NELL1: variants seen among roughly 807,000 people sequenced by gnomAD.
The protein encoded by NELL1 is neural EGFL like 1.
In NELL1, 76 loss-of-function variants were observed where a neutral mutation model predicts 107.4. That is an observed-to-expected ratio of 0.71 (90% CI 0.59 to 0.86). The LOEUF (loss-of-function observed/expected upper bound fraction) is 0.86, where lower values mean the gene tolerates loss of function less well. Ranked by LOEUF, NELL1 falls within the 40% of genes least tolerant of loss-of-function variation. The pLI, the probability that NELL1 is intolerant of heterozygous loss-of-function variation, is 0.00. For synonymous variants in NELL1, 353 were observed against 341.2 expected (o/e 1.03, Z -0.38); for missense variants, 1,024 against 1,005.5 (o/e 1.02, Z -0.25).
intron 15 of NELL1, among the ~76,000 whole-genome samples, chr11:21,371,318 G>A (rs1475405298): frequency 6.6e-6 from 1 of 151,996 alleles, no homozygotes; most frequent in Non-Finnish European, 1.5e-5. Flanking sequence ...CTGTGTCAAC[G>A]GAATCTAAAT....
At chr11:21,183,874 G>A (rs775774672) in intron 13 of NELL1, among the ~76,000 whole-genome samples, 6 of 151,824 alleles carry the variant, frequency 4.0e-5, no homozygotes, top group Non-Finnish European at 8.8e-5. Flanking sequence ...GGAGGGTAAA[G>A]GGAAATAGCT....
chr11:20,910,321 C>T (rs1194608590), intron 5 of NELL1, among the ~76,000 whole-genome samples: 1 of 152,164 alleles, frequency 6.6e-6, no homozygotes, highest in Non-Finnish European at 1.5e-5. Flanking sequence ...CAAAGCAAGT[C>T]ACAAGACTAG....
At chr11:21,520,712 C>T (rs1211626166) in intron 15 of NELL1, among the ~76,000 whole-genome samples, 1 of 152,148 alleles carries the variant, frequency 6.6e-6, no homozygotes, top group Non-Finnish European at 1.5e-5. Flanking sequence ...AAAGGTGCAT[C>T]AGCACCCGCT....
At chr11:21,223,785 A>C (rs1857822107) in intron 13 of NELL1, among the ~76,000 whole-genome samples, 1 of 152,172 alleles carries the variant, frequency 6.6e-6, no homozygotes, top group Admixed American at 6.5e-5. Flanking sequence ...ATATGACTCA[A>C]AAAATATATA....
At chr11:21,089,936 T>C (rs1854483673) in intron 12 of NELL1, among the ~76,000 whole-genome samples, 1 of 152,182 alleles carries the variant, frequency 6.6e-6, no homozygotes, top group Admixed American at 6.5e-5. Context: ...GTGGTTAGGC[T>C]TTCGTATGGT....
intron 5 of NELL1, among the ~76,000 whole-genome samples, chr11:20,904,227 A>G (rs191243912): frequency 1.9e-3 from 293 of 152,078 alleles, no homozygotes; most frequent in Middle Eastern, 0.014. Flanking sequence ...AAAAAAAAAA[A>G]GAAAAAAGTG....
At chr11:21,570,656 T>G in intron 17 of NELL1, 108 bp from the exon 18 acceptor site, 28 of 927,774 alleles carry the variant, frequency 3.0e-5, no homozygotes, top group Non-Finnish European at 4.3e-5. Context: ...TTGAACAGAA[T>G]GAGAGGTGGC....
At chr11:21,381,904 A>ATTTTTTTTTTTTT (rs149327802) in intron 15 of NELL1, among the ~76,000 whole-genome samples, 10 of 91,356 alleles carry the variant, frequency 1.1e-4, no homozygotes, top group African/African-American at 1.3e-4. Flanking sequence ...CCTGGAAGGG[A>ATTTTTTTTTTTTT]TTTTTTTTTT....
At chr11:21,170,488 TC>T (rs1856580414) in intron 13 of NELL1, among the ~76,000 whole-genome samples, 1 of 151,736 alleles carries the variant, frequency 6.6e-6, no homozygotes, top group Admixed American at 6.6e-5. Flanking sequence ...TTGCTATTTT[TC>T]CTCCAAAAAA....
At chr11:21,321,407 G>T (rs1387383175) in intron 14 of NELL1, among the ~76,000 whole-genome samples, 1 of 152,030 alleles carries the variant, frequency 6.6e-6, no homozygotes, top group Non-Finnish European at 1.5e-5. Flanking sequence ...GAGGGTGGGG[G>T]GCTGCGCGGA....
At chr11:21,151,476 G>C (rs557715160) in intron 13 of NELL1, among the ~76,000 whole-genome samples, 3 of 152,102 alleles carry the variant, frequency 2.0e-5, no homozygotes, top group African/African-American at 4.8e-5. Flanking sequence ...GATGGTGCGC[G>C]TGGTGACGTG....
intron 15 of NELL1, among the ~76,000 whole-genome samples, chr11:21,400,333 G>T (rs1852070614): frequency 6.6e-6 from 1 of 151,822 alleles, no homozygotes; most frequent in Non-Finnish European, 1.5e-5. Flanking sequence ...TTTATTAAAT[G>T]TTTATAATCA....
At chr11:21,409,370 GAATTGA>G (rs1852316883) in intron 15 of NELL1, among the ~76,000 whole-genome samples, 1 of 151,984 alleles carries the variant, frequency 6.6e-6, no homozygotes, top group Non-Finnish European at 1.5e-5. Flanking sequence ...TCATAGGTGG[GAATTGA>G]ACAATGAGAA....
intron 2 of NELL1, among the ~76,000 whole-genome samples, chr11:20,722,936 A>C (rs1855425403): frequency 6.6e-6 from 1 of 152,154 alleles, no homozygotes; most frequent in South Asian, 2.1e-4. Flanking sequence ...TGGAAGGTGA[A>C]GGGGAAGCAA....
At chr11:21,203,291 G>A (rs1003098933) in intron 13 of NELL1, among the ~76,000 whole-genome samples, 6 of 152,156 alleles carry the variant, frequency 3.9e-5, no homozygotes, top group Non-Finnish European at 5.9e-5. Flanking sequence ...CTTGCTTTTT[G>A]AATCTGGGTG....
intron 15 of NELL1, among the ~76,000 whole-genome samples, chr11:21,502,517 C>T (rs1855168694): frequency 6.6e-6 from 1 of 152,224 alleles, no homozygotes; most frequent in South Asian, 2.1e-4. Flanking sequence ...AAGCTAAGCG[C>T]TCTAGGTATT....
At chr11:20,808,822 C>T (rs1857439998) in intron 3 of NELL1, among the ~76,000 whole-genome samples, 1 of 152,210 alleles carries the variant, frequency 6.6e-6, no homozygotes, top group South Asian at 2.1e-4. Context: ...CTCCCTCTCT[C>T]CTTAGTGCAC....
intron 15 of NELL1, among the ~76,000 whole-genome samples, chr11:21,497,547 TTA>T (rs1855015561): frequency 6.6e-6 from 1 of 152,130 alleles, no homozygotes; most frequent in African/African-American, 2.4e-5. Context: ...TTTAATTGCG[TTA>T]GTTAATGTAA....
At chr11:20,995,127 T>G (rs536852854) in intron 12 of NELL1, among the ~76,000 whole-genome samples, 20 of 148,686 alleles carry the variant, frequency 1.3e-4, no homozygotes, top group South Asian at 1.1e-3. Flanking sequence ...AATTTTCTGG[T>G]TTTTTTTTTA....
Sources: gnomAD v4.1 joint callset for allele counts (sites outside exome capture counted in the v4.1 genomes callset) on GRCh38, gnomAD v4.1.1 for gene constraint, MANE v1.5 for transcripts, NCBI Gene and HGNC (gene_info 2026-07-23, HGNC 2026-07-21) for gene names.